The following NLRP11 variants were observed in gnomAD, a reference collection of about 807,000 sequenced individuals.
NLRP11 encodes NACHT, LRR and PYD domains-containing protein 11.
In NLRP11, 53 loss-of-function variants were observed where a neutral mutation model predicts 79.3. That is an observed-to-expected ratio of 0.67 (90% CI 0.54 to 0.84). The LOEUF (loss-of-function observed/expected upper bound fraction) is 0.84, where lower values mean the gene tolerates loss of function less well. NLRP11 is among the 40% of genes least tolerant of loss of function. The probability of loss-of-function intolerance (pLI) is 0.00; values close to 1 mark genes in which losing one functional copy is unlikely to be tolerated. For missense variants in NLRP11, 1,264 were observed against 1,255.0 expected (o/e 1.01, Z -0.11); for synonymous variants, 518 against 462.6 (o/e 1.12, Z -1.54).
chr19:55,796,327 AAGAG>A (rs1356168035), intron 5 of NLRP11, 77 bp from the exon 6 acceptor site: 1 of 1,170,746 alleles, frequency 8.5e-7, no homozygotes, highest in East Asian at 2.4e-5. Context: ...AAAAAAAAAA[AAGAG>A]AGACCTAACC....
chr19:55,785,528 CACACACACACAT>C lies in NLRP11; in HGVS notation c.*85_*96del, dbSNP rs1437549782. On this transcript the variant is annotated 3_prime_UTR_variant, in exon 10 of 10. Coordinates refer to ENST00000589093, the Ensembl canonical transcript of NLRP11. ...ACACACACACACACACACACACACA[CACACACACACAT>C]CAAATAGGAAAATTATAGTCCTAAT... 1.2e-5 allele frequency: 13 copies of C among 1,103,292 alleles called. No homozygotes were observed. In the African/African-American group the frequency reaches 1.7e-4, roughly 14 times the overall value. 68.3% of individuals were successfully genotyped at this position (1,103,292 alleles called of 1,614,324 possible).
intron 1 of NLRP11, among the ~76,000 whole-genome samples, chr19:55,821,238 CACACACACACA>C (rs1484633017): frequency 8.0e-4 from 101 of 126,794 alleles, no homozygotes; most frequent in South Asian, 1.0e-3. Context: ...CACACACACA[CACACACACACA>C]CCCCAAGCAC....
chr19:55,831,331 G>C (rs1013391582), intron 1 of NLRP11, among the ~76,000 whole-genome samples: 26 of 151,708 alleles, frequency 1.7e-4, no homozygotes, highest in Admixed American at 1.7e-3. Flanking sequence ...GGAGGTCAAG[G>C]TGGGCACATT....
intron 3 of NLRP11, 103 bp downstream of exon 3, chr19:55,808,666 G>T: frequency 9.4e-7 from 1 of 1,059,794 alleles, no homozygotes; most frequent in Non-Finnish European, 1.4e-6. Context: ...TGGAAGTCAA[G>T]TTCTTCATGG....
chr19:55,830,865 G>T (rs61516650), intron 1 of NLRP11, among the ~76,000 whole-genome samples: 10,391 of 152,006 alleles, frequency 0.068, 402 homozygotes, highest in African/African-American at 0.08. Context: ...GCTGATCACC[G>T]CACAGTTGGG....
intron 4 of NLRP11, among the ~76,000 whole-genome samples, chr19:55,805,850 C>T (rs1979939387): frequency 6.6e-6 from 1 of 152,084 alleles, no homozygotes; most frequent in Non-Finnish European, 1.5e-5. Context: ...TAAAAGTCTT[C>T]AGTTCTCCTT....
At position 55,809,128 on chromosome 19, in the gene NLRP11, G is replaced by T; in HGVS notation, c.1482C>A (p.Phe494Leu). ...TGTTTGCATTTAGAAGACCAAAAATGAAAGTAAACACTTGATTAAAGTCAG... is the reference window on the plus strand; with the variant it reads ...TGTTTGCATTTAGAAGACCAAAAATTAAAGTAAACACTTGATTAAAGTCAG... Residue 494 changes from phenylalanine to leucine, a missense_variant, in exon 3 of 10, where the codon TTC becomes TTA. Coordinates refer to ENST00000589093, the Ensembl canonical transcript of NLRP11. This position sits in a 1 kb window ranked among gnomAD's most constrained non-coding sequence, Gnocchi z 4.5. 1.9e-6 allele frequency: 3 copies of T among 1,613,864 alleles called. No individual in the cohort carries two copies. The highest frequency in any genetic ancestry group is 2.5e-6 in the Non-Finnish European group (3 of 1,179,960).
At chr19:55,804,454 C>G (rs299172) in intron 4 of NLRP11, among the ~76,000 whole-genome samples, 20 of 151,300 alleles carry the variant, frequency 1.3e-4, no homozygotes, top group East Asian at 3.9e-4. Flanking sequence ...TTTTTTTTGG[C>G]GGGGGCAGGA....
At chr19:55,815,013 A>G (rs1980955424) in intron 2 of NLRP11, among the ~76,000 whole-genome samples, 1 of 152,212 alleles carries the variant, frequency 6.6e-6, no homozygotes, top group Non-Finnish European at 1.5e-5. Flanking sequence ...TGTCAATTAC[A>G]TCACAATAAA....
At chr19:55,789,754 T>G (rs1279001042) in intron 7 of NLRP11, among the ~76,000 whole-genome samples, 2 of 152,248 alleles carry the variant, frequency 1.3e-5, no homozygotes, top group African/African-American at 4.8e-5. Flanking sequence ...CAACCTCCTC[T>G]GACATTCACG....
chr19:55,829,704 A>G (rs1357752712), intron 1 of NLRP11, among the ~76,000 whole-genome samples: 3 of 152,028 alleles, frequency 2.0e-5, no homozygotes, highest in African/African-American at 7.2e-5. Context: ...TAAAGAACAC[A>G]AGAAAAAGCT....
chr19:55,804,325 G>T (rs1405850348), intron 4 of NLRP11, among the ~76,000 whole-genome samples: 2 of 152,166 alleles, frequency 1.3e-5, no homozygotes, highest in Non-Finnish European at 2.9e-5. Context: ...AATGTTCAAT[G>T]CAGCACTATT....
chr19:55,833,754 C>A (rs1026012588), upstream of NLRP11, among the ~76,000 whole-genome samples: 6 of 115,284 alleles, frequency 5.2e-5, no homozygotes, highest in Admixed American at 3.6e-4. Flanking sequence ...GGCGACAGAG[C>A]GACTCCGTCT....
upstream of NLRP11, among the ~76,000 whole-genome samples, chr19:55,834,073 G>A (rs1983031245): frequency 6.6e-6 from 1 of 152,130 alleles, no homozygotes; most frequent in Admixed American, 6.5e-5. Context: ...ATCTTCATGA[G>A]TTGGAGTAGG....
At chr19:55,792,944 C>T (rs1412432307) in intron 6 of NLRP11, among the ~76,000 whole-genome samples, 3 of 152,228 alleles carry the variant, frequency 2.0e-5, no homozygotes, top group Non-Finnish European at 4.4e-5. Flanking sequence ...TGTGGTATCC[C>T]GTTTTGTCTG....
At chr19:55,818,125 T>C (rs758679464) in exon 2 of NLRP11, 1 of 1,614,046 alleles carries the variant, frequency 6.2e-7, no homozygotes, top group South Asian at 1.1e-5. Flanking sequence ...GTCACTGAGA[T>C]TCTCTAGATA....
chr19:55,808,213 A>C (rs1980197985), intron 3 of NLRP11, among the ~76,000 whole-genome samples, 199 bp from the exon 4 acceptor site: 1 of 152,238 alleles, frequency 6.6e-6, no homozygotes, highest in African/African-American at 2.4e-5. Flanking sequence ...CCATATTCTG[A>C]TAAGACACAT....
intron 2 of NLRP11, among the ~76,000 whole-genome samples, chr19:55,811,761 G>GA (rs962346030): frequency 9.2e-5 from 14 of 151,416 alleles, no homozygotes; most frequent in African/African-American, 2.4e-4. Context: ...TCATAATCAA[G>GA]AAAAAAAAAT....
chr19:55,821,091 G>A (rs1282254635), intron 1 of NLRP11, among the ~76,000 whole-genome samples: 1 of 151,984 alleles, frequency 6.6e-6, no homozygotes, highest in African/African-American at 2.4e-5. Flanking sequence ...GAGCCTGGAA[G>A]CTTGCAATTT....
Sources: allele counts gnomAD v4.1 joint callset (sites outside exome capture counted in the v4.1 genomes callset), GRCh38; gene constraint gnomAD v4.1.1; non-coding constraint Gnocchi (gnomAD v3.1); transcripts MANE v1.5; gene names NCBI Gene and HGNC (gene_info 2026-07-23, HGNC 2026-07-21).